Variants in AGXT2 observed in about 807,000 individuals in gnomAD.
AGXT2 encodes alanine--glyoxylate aminotransferase 2.
A neutral mutation model predicts 62.5 loss-of-function variants in AGXT2; 61 were observed. The ratio of observed to expected loss-of-function variants is 0.98; its 90% CI spans 0.79 to 1.21. AGXT2 has a LOEUF of 1.21. AGXT2 is among the 50% of genes most tolerant of loss of function. The pLI, the probability that AGXT2 is intolerant of heterozygous loss-of-function variation, is 0.00. For missense variants in AGXT2, 666 were observed against 641.5 expected (o/e 1.04, Z -0.41); for synonymous variants, 243 against 218.7 (o/e 1.11, Z -0.98).
chr5:35,035,580 T>G (rs1217762273), intron 4 of AGXT2, among the ~76,000 whole-genome samples: 1 of 126,434 alleles, frequency 7.9e-6, no homozygotes, highest in Non-Finnish European at 1.7e-5. Flanking sequence ...ATGGCTTTAT[T>G]TGATGGTCTG....
At chr5:35,041,122 G>C (rs545223009) in intron 1 of AGXT2, among the ~76,000 whole-genome samples, 2 of 146,092 alleles carry the variant, frequency 1.4e-5, no homozygotes, top group African/African-American at 2.5e-5. Flanking sequence ...ATTAATGACT[G>C]TTGACTATTC....
intron 13 of AGXT2, 97 bp from the exon 14 acceptor site, chr5:34,998,923 A>T: frequency 4.4e-6 from 4 of 912,776 alleles, no homozygotes; most frequent in Non-Finnish European, 7.0e-6. Flanking sequence ...CCTTGTGTTT[A>T]GGATGTTTCT....
At chr5:35,044,786 C>T (rs1219429306) in intron 1 of AGXT2, among the ~76,000 whole-genome samples, 1 of 152,156 alleles carries the variant, frequency 6.6e-6, no homozygotes, top group African/African-American at 2.4e-5. Context: ...TCCGCACGTT[C>T]GGGAGTAGGC....
chr5:35,026,003 T>G (rs2112243774), intron 8 of AGXT2, 148 bp from the exon 9 acceptor site: 1 of 727,238 alleles, frequency 1.4e-6, no homozygotes, highest in African/African-American at 1.7e-5. Context: ...CCACTGTGGG[T>G]GAAAAGAGGA....
chr5:35,046,568 C>T (rs117707479), intron 1 of AGXT2, among the ~76,000 whole-genome samples: 1 of 152,144 alleles, frequency 6.6e-6, no homozygotes, highest in Non-Finnish European at 1.5e-5. Context: ...CTTGTCTCCT[C>T]ATTTGTGGAA....
At chr5:35,036,913 A>G (rs766035820) in intron 4 of AGXT2, 29 bp downstream of exon 4, 1 of 1,613,246 alleles carries the variant, frequency 6.2e-7, no homozygotes, top group Non-Finnish European at 8.5e-7. Context: ...CCCCCATAAC[A>G]TTCACCTCCT....
At chr5:35,035,420 A>C in intron 4 of AGXT2, 104 bp from the exon 5 acceptor site, 1 of 907,472 alleles carries the variant, frequency 1.1e-6, no homozygotes, top group Non-Finnish European at 1.8e-6. Context: ...TATTAAGGAG[A>C]GTTCCCTTCA....
chr5:35,012,896 T>G, intron 11 of AGXT2, 58 bp downstream of exon 11: 2 of 1,424,840 alleles, frequency 1.4e-6, no homozygotes, highest in South Asian at 2.5e-5. Flanking sequence ...AATGCATGTG[T>G]GGTTTTGAAA....
At position 35,029,029 on chromosome 5, in the gene AGXT2, G is replaced by A. The variant is rs145609376; in HGVS notation, c.770-2519C>T. Among the ~76,000 whole-genome samples the A allele has an allele frequency of 5.9e-5, 9 of 152,296 alleles. No individual in the cohort carries two copies. In the East Asian group the frequency reaches 1.5e-3, roughly 26 times the overall value. ...TATTTTTAGATTACATGTGATATTC[G>A]GAAAAGTTTGATTGACAGAGGTACC... On this transcript the variant is annotated intron_variant, in intron 7 of 13. Transcript: ENST00000231420.
intron 9 of AGXT2, among the ~76,000 whole-genome samples, chr5:35,024,196 C>G (rs149257342): frequency 2.1e-4 from 32 of 152,076 alleles, no homozygotes; most frequent in African/African-American, 7.5e-4. Context: ...CCCAACCTAG[C>G]TGTAGGAAAT....
chr5:35,040,816 G>A (rs2270557), intron 1 of AGXT2, among the ~76,000 whole-genome samples, 153 bp from the exon 2 acceptor site: 9,799 of 152,152 alleles, frequency 0.064, 595 homozygotes, highest in African/African-American at 0.16. Context: ...TTTAAAATCT[G>A]AGTATCTCAA....
At chr5:34,999,734 C>G (rs1766158472) in intron 13 of AGXT2, among the ~76,000 whole-genome samples, 1 of 152,172 alleles carries the variant, frequency 6.6e-6, no homozygotes, top group Admixed American at 6.5e-5. Flanking sequence ...ATGCCTCATA[C>G]TTCTCAGAAA....
intron 5 of AGXT2, among the ~76,000 whole-genome samples, chr5:35,034,216 T>C (rs1237098141): frequency 2.6e-5 from 4 of 151,986 alleles, no homozygotes; most frequent in African/African-American, 9.7e-5. Flanking sequence ...ATGGCAGAAA[T>C]CTCAATTACT....
intron 1 of AGXT2, among the ~76,000 whole-genome samples, chr5:35,043,637 A>G (rs1768070139): frequency 6.6e-6 from 1 of 152,076 alleles, no homozygotes; most frequent in African/African-American, 2.4e-5. Flanking sequence ...GGCTCAAACA[A>G]TTCTCCCACC....
At chr5:35,014,452 C>A (rs74658838) in intron 9 of AGXT2, among the ~76,000 whole-genome samples, 316 of 86,070 alleles carry the variant, frequency 3.7e-3, no homozygotes, top group South Asian at 7.9e-3. Context: ...GACTCCATCT[C>A]AAAAAAAAAA....
At chr5:35,017,424 G>A (rs980036929) in intron 9 of AGXT2, among the ~76,000 whole-genome samples, 12 of 152,336 alleles carry the variant, frequency 7.9e-5, no homozygotes, top group African/African-American at 2.4e-4. Flanking sequence ...GACCTGATGG[G>A]AGATAATTGA....
chr5:35,002,951 A>G (rs535146742), intron 13 of AGXT2, among the ~76,000 whole-genome samples: 4 of 152,314 alleles, frequency 2.6e-5, no homozygotes, highest in East Asian at 1.9e-4. Context: ...GGGAAGGATG[A>G]GGAATGTTTA....
At chr5:35,024,252 T>A (rs1451459926) in intron 9 of AGXT2, among the ~76,000 whole-genome samples, 3 of 152,118 alleles carry the variant, frequency 2.0e-5, no homozygotes, top group Non-Finnish European at 4.4e-5. Flanking sequence ...TGGACAGAAA[T>A]AGGTGTGAAA....
At chr5:35,009,859 C>G in intron 12 of AGXT2, 141 bp downstream of exon 12, 1 of 1,133,260 alleles carries the variant, frequency 8.8e-7, no homozygotes, top group South Asian at 1.3e-5. Context: ...ACACTCTCTA[C>G]TAATCTCTAA....
Sources: allele counts gnomAD v4.1 joint callset (sites outside exome capture counted in the v4.1 genomes callset), GRCh38; gene constraint gnomAD v4.1.1; transcripts MANE v1.5; gene names NCBI Gene and HGNC (gene_info 2026-07-23, HGNC 2026-07-21).